The following ANKMY1 variants were observed in gnomAD, a reference collection of about 807,000 sequenced individuals.
The protein encoded by ANKMY1 is ankyrin repeat and MYND domain containing 1, also known as ankyrin repeat and MYND domain-containing protein 1.
A neutral mutation model predicts 102.0 loss-of-function variants in ANKMY1; 98 were observed. The observed-to-expected ratio is 0.96, with a 90% CI of 0.82 to 1.14. ANKMY1 has a LOEUF of 1.14. Among genes scored for constraint, ANKMY1 ranks in the 50% most tolerant of loss-of-function variants. ANKMY1 has a pLI of 0.00. For synonymous variants in ANKMY1, 582 were observed against 559.9 expected (o/e 1.04, Z -0.56); for missense variants, 1,330 against 1,347.6 (o/e 0.99, Z 0.20).
In ANKMY1 at chr2:240,508,463, C is replaced by T. The variant is rs142533378; in HGVS notation, c.2395-772G>A. 4.4e-3 allele frequency among the ~76,000 whole-genome samples: 673 copies of T among 152,364 alleles called. 5 individuals carry two copies. Among genetic ancestry groups the T allele is most frequent in the African/African-American group, 0.015 (631 of 41,590 alleles). Reference sequence around the variant, plus strand: ...TCAGCTTTCACAAATTCTATGAATGCCTTCAGCTTTTGCAGACCTCTGCTG... The same window carrying T: ...TCAGCTTTCACAAATTCTATGAATGTCTTCAGCTTTTGCAGACCTCTGCTG... On this transcript the variant is annotated intron_variant, in intron 12 of 17. Coordinates refer to ENST00000401804, the MANE Select transcript of ANKMY1 (RefSeq NM_001282771.3).
Position 240,507,659 on chromosome 2 carries a change from G to T in ANKMY1, c.2427C>A (p.Asp809Glu). 2 of 1,610,554 alleles carry T rather than the reference G, an allele frequency of 1.2e-6. No homozygotes were observed. The highest frequency in any genetic ancestry group is 2.2e-5 in the East Asian group (1 of 44,796). ...AGCCTTTGGTCAGGGGCAGGTTGGG[G>T]TCAGCTCCCTGGGTCAGGAGCTCCT... ...VVKELLTQGA[D>E]PNLPLTKGLG... The change falls in exon 13 of 18, where the codon GAC becomes GAA. Residue 809 changes from aspartate (D) to glutamate (E), a missense_variant. Asp to Glu is a conservative substitution (Grantham distance 45). Transcript: ENST00000401804.
At chr2:240,535,208 G>A (rs2086433341) in intron 4 of ANKMY1, among the ~76,000 whole-genome samples, 1 of 152,212 alleles carries the variant, frequency 6.6e-6, no homozygotes. Flanking sequence ...AGGGAGGCAT[G>A]AGACATCAAA....
intron 15 of ANKMY1, among the ~76,000 whole-genome samples, chr2:240,498,293 T>TGG (rs199604683): frequency 1.8e-3 from 92 of 50,766 alleles, no homozygotes; most frequent in African/African-American, 5.0e-3. Flanking sequence ...GTGTTGGGGG[T>TGG]GGGGGGGGTT....
In ANKMY1 at chr2:240,482,261, G is replaced by A. The variant is rs777298013; in HGVS notation, c.2807C>T (p.Ala936Val). The A allele has an allele frequency of 2.6e-5, 42 of 1,611,004 alleles. 1 individual carries two copies. Among genetic ancestry groups the A allele is most frequent in the Admixed American group, 1.2e-4 (7 of 59,320 alleles). ...CATCCTGTGGCTGGGGATCAGCTCCGCTGCATGAGAGAGGGTCCCGCATTA... is the reference window on the plus strand; with the variant it reads ...CATCCTGTGGCTGGGGATCAGCTCCACTGCATGAGAGAGGGTCCCGCATTA... The part of the protein sequence containing the change: ...DPTWLYLCKR[A>V]ELIPSHRMKK... The change falls in exon 16 of 18, where the codon GCG becomes GTG. Residue 936 changes from alanine to valine, a missense_variant and splice_region_variant. By Grantham distance (64) the Ala-to-Val change is moderately conservative. Transcript: ENST00000401804.
At chr2:240,558,482 C>CTCGGGGAAGGACTGCAGGAGAGCGGAT (rs1258392242), upstream of ANKMY1, 4 of 152,368 alleles carry the variant, frequency 2.6e-5, no homozygotes, top group African/African-American at 9.6e-5. Flanking sequence ...CTCCGAGGGC[C>CTCGGGGAAGGACTGCAGGAGAGCGGAT]TCGGGGAAGG....
chr2:240,543,992 T>C (rs1000230822), intron 4 of ANKMY1, among the ~76,000 whole-genome samples: 13 of 152,172 alleles, frequency 8.5e-5, no homozygotes, highest in African/African-American at 3.1e-4. Context: ...TAATTCTGTA[T>C]ATAAAATATA....
chr2:240,537,736 T>G (rs1423723057), intron 4 of ANKMY1, among the ~76,000 whole-genome samples: 2 of 152,232 alleles, frequency 1.3e-5, no homozygotes, highest in Admixed American at 1.3e-4. Context: ...AGCTGCCTCC[T>G]TACCTGTTTC....
chr2:240,529,548 G>T lies in ANKMY1; in HGVS notation c.481-39C>A. 6.5e-7 allele frequency: 1 copy of T among 1,527,866 alleles called. No homozygotes were observed. The allele number at this position is 1,527,866 out of a possible 1,614,324, so 94.6% of individuals were successfully genotyped here. On this transcript the variant is annotated intron_variant, in intron 4 of 17. Coordinates refer to ENST00000401804, the MANE Select transcript of ANKMY1 (RefSeq NM_001282771.3). The surrounding 1 kb of genome is among the most constrained non-coding windows in gnomAD (Gnocchi z 4.2). ...GCAATAGACCGAGGAGAGATAACGC[G>T]ACCCAGCTGCACATGTGATCATGTT...
chr2:240,517,453 A>C (rs2081382301), intron 9 of ANKMY1, among the ~76,000 whole-genome samples: 1 of 152,124 alleles, frequency 6.6e-6, no homozygotes, highest in African/African-American at 2.4e-5. Context: ...GAGGTCTTTG[A>C]GGTAGAGTCT....
At chr2:240,544,655 T>C (rs4676350) in intron 4 of ANKMY1, among the ~76,000 whole-genome samples, 111,668 of 152,134 alleles carry the variant, frequency 0.73, 41,372 homozygotes, top group South Asian at 0.83. Flanking sequence ...GTGCGCGCAC[T>C]GTGCGCAAGC....
Position 240,520,585 on chromosome 2 carries a change from CGCCCAGAACGGGGCCAT to C in ANKMY1, c.1833-69_1833-53del. The C allele has an allele frequency of 1.3e-6, 2 of 1,556,176 alleles. No individual in the cohort carries two copies. Among genetic ancestry groups the C allele is most frequent in the Non-Finnish European group, 1.7e-6 (2 of 1,151,354 alleles). On this transcript the variant is annotated intron_variant, in intron 8 of 17. Coordinates refer to ENST00000401804, the MANE Select transcript of ANKMY1 (RefSeq NM_001282771.3). This position sits in a 1 kb window ranked among gnomAD's most constrained non-coding sequence, Gnocchi z 4.8. ...CCCTGGAGGGCAGGCACCTGCACTG[CGCCCAGAACGGGGCCAT>C]GCCAGCGAGGAGGCTGGGGAGGGGC...
chr2:240,506,889 G>A lies in ANKMY1; in HGVS notation c.2526+671C>T, dbSNP rs184864796. Reference sequence around the variant, plus strand: ...CTCCAGGGACGTGCCTAGGGCTCAGGACAGAAGGTGTCTCCAGCGCGGGCA... The same window carrying A: ...CTCCAGGGACGTGCCTAGGGCTCAGAACAGAAGGTGTCTCCAGCGCGGGCA... On this transcript the variant is annotated intron_variant, in intron 13 of 17. Coordinates refer to ENST00000401804, the MANE Select transcript of ANKMY1 (RefSeq NM_001282771.3). This position sits in a 1 kb window ranked among gnomAD's most constrained non-coding sequence, Gnocchi z 4.9. 6.2e-4 allele frequency among the ~76,000 whole-genome samples: 95 copies of A among 152,258 alleles called. No individual in the cohort carries two copies. Among genetic ancestry groups the A allele is most frequent in the Non-Finnish European group, 1.1e-3 (74 of 68,024 alleles).
intron 15 of ANKMY1, among the ~76,000 whole-genome samples, chr2:240,496,683 G>A (rs1158260779): frequency 4.6e-5 from 7 of 152,210 alleles, no homozygotes; most frequent in South Asian, 2.1e-4. Context: ...CTAAGGTGAC[G>A]GTGGTTTGGA....
At chr2:240,550,738 A>C (rs1050689651) in intron 4 of ANKMY1, among the ~76,000 whole-genome samples, 1 of 152,164 alleles carries the variant, frequency 6.6e-6, no homozygotes, top group Non-Finnish European at 1.5e-5. Flanking sequence ...AGGATTTATG[A>C]CATTCTTGAA....
chr2:240,525,931 C>A, intron 6 of ANKMY1, 82 bp from the exon 7 acceptor site: 1 of 1,503,768 alleles, frequency 6.6e-7, no homozygotes. Flanking sequence ...CTGATGCCCT[C>A]ATGAGGCCAC....
rs371204481 is a variant in ANKMY1 at position 240,532,292 on chromosome 2, G to A, written c.481-2783C>T. Among the ~76,000 whole-genome samples the A allele has an allele frequency of 5.9e-4, 90 of 152,292 alleles. 3 individuals carry two copies. The South Asian group carries it at 0.017, about 29-fold the overall frequency. Reference sequence around the variant, plus strand: ...CTTCACTGTGCTCAAGAAAATAACTGTCAACCTAGAACTCTGTCCTGTGGG... The same window carrying A: ...CTTCACTGTGCTCAAGAAAATAACTATCAACCTAGAACTCTGTCCTGTGGG... On this transcript the variant is annotated intron_variant, in intron 4 of 17. Transcript: ENST00000401804.
chr2:240,498,852 T>C (rs560686619), intron 15 of ANKMY1, among the ~76,000 whole-genome samples: 9 of 152,158 alleles, frequency 5.9e-5, no homozygotes, highest in African/African-American at 2.2e-4. Flanking sequence ...CCCCGCCTTC[T>C]CTCTCTCCCT....
chr2:240,560,655 G>A (rs1013706070), upstream of ANKMY1: 1 of 1,479,686 alleles, frequency 6.8e-7, no homozygotes, highest in East Asian at 2.7e-5. Flanking sequence ...AGATCCTCAG[G>A]GCCCAAAAGC....
At chr2:240,480,852 G>A (rs1231450486) in intron 17 of ANKMY1, 85 bp downstream of exon 17, 8 of 1,479,498 alleles carry the variant, frequency 5.4e-6, no homozygotes, top group African/African-American at 1.4e-5. Context: ...GGGAAATGAG[G>A]GTGCCCCTCA....
Sources: allele counts gnomAD v4.1 joint callset (sites outside exome capture counted in the v4.1 genomes callset), GRCh38; gene constraint gnomAD v4.1.1; non-coding constraint Gnocchi (gnomAD v3.1); transcripts MANE v1.5; gene names NCBI Gene and HGNC (gene_info 2026-07-23, HGNC 2026-07-21).